The following ZRANB3 variants were observed in gnomAD, a reference collection of about 807,000 sequenced individuals.
ZRANB3 encodes DNA annealing helicase and endonuclease ZRANB3.
In ZRANB3, 125 loss-of-function variants were observed where a neutral mutation model predicts 133.8. The ratio of observed to expected loss-of-function variants is 0.93; its 90% CI spans 0.81 to 1.08. ZRANB3 has a LOEUF of 1.08. Among genes scored for constraint, ZRANB3 ranks in the 50% least tolerant of loss-of-function variants. The probability of loss-of-function intolerance (pLI) is 0.00; values close to 1 mark genes in which losing one functional copy is unlikely to be tolerated. For missense variants in ZRANB3, 1,229 were observed against 1,275.5 expected (o/e 0.96, Z 0.56); for synonymous variants, 387 against 432.7 (o/e 0.89, Z 1.31).
At chr2:135,270,297 T>C (rs1680453581) in intron 10 of ZRANB3, among the ~76,000 whole-genome samples, 1 of 152,196 alleles carries the variant, frequency 6.6e-6, no homozygotes, top group Admixed American at 6.5e-5. Context: ...AGGGAAAATA[T>C]GTTGGCAAGA....
intron 12 of ZRANB3, among the ~76,000 whole-genome samples, chr2:135,238,591 T>C (rs1695414526): frequency 6.6e-6 from 1 of 152,118 alleles, no homozygotes; most frequent in Non-Finnish European, 1.5e-5. Flanking sequence ...CTTGAACTCC[T>C]GACCTGAGGT....
chr2:135,377,117 G>C (rs1046708691), intron 3 of ZRANB3, among the ~76,000 whole-genome samples: 2 of 152,206 alleles, frequency 1.3e-5, no homozygotes, highest in Admixed American at 6.5e-5. Flanking sequence ...CAGCAATTAA[G>C]TAAACAGATG....
intron 2 of ZRANB3, among the ~76,000 whole-genome samples, chr2:135,503,141 G>C (rs964558214): frequency 2.0e-5 from 3 of 152,058 alleles, no homozygotes; most frequent in Non-Finnish European, 4.4e-5. Context: ...CATTTGTCAA[G>C]GTTTGTACAT....
intron 13 of ZRANB3, 47 bp from the exon 14 acceptor site, chr2:135,228,062 A>G: frequency 7.1e-7 from 1 of 1,400,874 alleles, no homozygotes; most frequent in Non-Finnish European, 9.6e-7. Flanking sequence ...TTACATTTAA[A>G]AGTAAAGTAA....
chr2:135,458,957 T>C (rs1690646243), intron 2 of ZRANB3, among the ~76,000 whole-genome samples: 1 of 152,146 alleles, frequency 6.6e-6, no homozygotes, highest in Non-Finnish European at 1.5e-5. Flanking sequence ...GACACCTAAC[T>C]AATATTCAAA....
At chr2:135,205,361 C>T (rs2105035755) in intron 19 of ZRANB3, among the ~76,000 whole-genome samples, 1 of 152,266 alleles carries the variant, frequency 6.6e-6, no homozygotes, top group Non-Finnish European at 1.5e-5. Context: ...CCTTGACCTT[C>T]TGGACTCAAG....
intron 2 of ZRANB3, among the ~76,000 whole-genome samples, chr2:135,501,727 G>C (rs897427016): frequency 6.6e-6 from 1 of 152,108 alleles, no homozygotes; most frequent in Admixed American, 6.6e-5. Context: ...GTCCAGGTCA[G>C]TTGTCTTGAA....
chr2:135,470,240 G>A (rs1174356537), intron 2 of ZRANB3, among the ~76,000 whole-genome samples: 6 of 151,472 alleles, frequency 4.0e-5, no homozygotes, highest in South Asian at 4.2e-4. Context: ...CAGGAGAATC[G>A]GTTGAACCCA....
chr2:135,254,836 C>T (rs1419449428), intron 12 of ZRANB3, among the ~76,000 whole-genome samples: 1 of 151,904 alleles, frequency 6.6e-6, no homozygotes, highest in Non-Finnish European at 1.5e-5. Flanking sequence ...CTGCAACCTC[C>T]ACCTCCCGGG....
chr2:135,478,295 G>A (rs770421541), intron 2 of ZRANB3, among the ~76,000 whole-genome samples: 33 of 151,988 alleles, frequency 2.2e-4, no homozygotes, highest in African/African-American at 7.0e-4. Flanking sequence ...TAAATCTCAA[G>A]TATATGGCTT....
chr2:135,511,602 A>C (rs1304941820), intron 1 of ZRANB3: 2 of 818,520 alleles, frequency 2.4e-6, no homozygotes, highest in Non-Finnish European at 4.4e-6. Flanking sequence ...CCTCAGGAGC[A>C]AGTACGAACA....
chr2:135,487,732 A>G (rs945769937), intron 2 of ZRANB3, among the ~76,000 whole-genome samples: 1 of 152,204 alleles, frequency 6.6e-6, no homozygotes, highest in African/African-American at 2.4e-5. Context: ...GAAAAGAATT[A>G]GGGCCTTGCT....
intron 20 of ZRANB3, among the ~76,000 whole-genome samples, chr2:135,202,267 G>C (rs935473320): frequency 6.6e-6 from 1 of 152,134 alleles, no homozygotes; most frequent in East Asian, 1.9e-4. Context: ...GATCTCAGCA[G>C]GTAAATCCCA....
rs111664138 is a variant in ZRANB3 at position 135,242,458 on chromosome 2, CT to C, written c.1540-11532del. Among the ~76,000 whole-genome samples, 1,327 of 142,230 alleles carry C rather than the reference CT, an allele frequency of 9.3e-3. 11 individuals are homozygous for C. The highest frequency in any genetic ancestry group is 0.026 in the African/African-American group (1,005 of 39,164). 93.3% of individuals were successfully genotyped at this position (142,230 alleles called of 152,430 possible). The stretch of plus-strand genomic sequence containing the variant: ...TAGACACTCAGTAGGTACTTTCTTT[CT>C]TTTTTTTTTTTTAAAGAGATGGGGT... On this transcript the variant is annotated intron_variant, in intron 12 of 20. Transcript: ENST00000264159.
At chr2:135,497,595 C>T (rs1692734417) in intron 2 of ZRANB3, among the ~76,000 whole-genome samples, 1 of 152,190 alleles carries the variant, frequency 6.6e-6, no homozygotes, top group Admixed American at 6.5e-5. Flanking sequence ...AAGAATATTT[C>T]CATCACAGCG....
intron 6 of ZRANB3, among the ~76,000 whole-genome samples, chr2:135,330,869 T>G (rs1684105914): frequency 1.3e-5 from 2 of 152,188 alleles, no homozygotes; most frequent in African/African-American, 2.4e-5. Flanking sequence ...GACGGTAGTT[T>G]GTATTTCCGT....
intron 3 of ZRANB3, among the ~76,000 whole-genome samples, chr2:135,358,972 C>T (rs1685556832): frequency 6.6e-6 from 1 of 151,864 alleles, no homozygotes; most frequent in Admixed American, 6.6e-5. Context: ...CCTGTCTCTT[C>T]TCCTTGTTTT....
chr2:135,447,952 GC>G (rs1468266988), intron 2 of ZRANB3, among the ~76,000 whole-genome samples: 2 of 152,126 alleles, frequency 1.3e-5, no homozygotes. Flanking sequence ...CGACTAGAAA[GC>G]CCATTTAGTT....
rs1558874687 is a variant in ZRANB3, at chr2:135,268,976, T to A, written c.1372A>T (p.Met458Leu). Residue 458 changes from methionine to leucine, a missense_variant, in exon 11 of 21, where the codon ATG becomes TTG. Met to Leu is a conservative substitution (Grantham distance 15). Coordinates refer to ENST00000264159, the MANE Select transcript of ZRANB3 (RefSeq NM_032143.4). ...TCAAGCTTTACCTTGCGATTCAACA[T>A]TCCCCACATAAGGGTGTCTAGGGTT... ...NGTLDTLMWG[M>L]LNRKAQVTGS... is the part of the protein sequence containing the mutation. The A allele has an allele frequency of 6.2e-7, 1 of 1,603,522 alleles. No homozygotes were observed. Among genetic ancestry groups the A allele is most frequent in the Non-Finnish European group, 8.5e-7 (1 of 1,175,964 alleles).
Sources: gnomAD v4.1 joint callset for allele counts (sites outside exome capture counted in the v4.1 genomes callset) on GRCh38, gnomAD v4.1.1 for gene constraint, MANE v1.5 for transcripts, NCBI Gene and HGNC (gene_info 2026-07-23, HGNC 2026-07-21) for gene names.